The following FSTL1 variants were observed in gnomAD, a reference collection of about 807,000 sequenced individuals.
FSTL1 encodes follistatin like 1.
A neutral mutation model predicts 45.9 loss-of-function variants in FSTL1; 24 were observed. That is an observed-to-expected ratio of 0.52 (90% CI 0.38 to 0.74). The LOEUF (loss-of-function observed/expected upper bound fraction) is 0.74. Ranked by LOEUF, FSTL1 falls within the 30% of genes least tolerant of loss-of-function variation. FSTL1 has a pLI of 0.00. For missense variants in FSTL1, 340 were observed against 381.8 expected (o/e 0.89, Z 0.91); for synonymous variants, 120 against 137.6 (o/e 0.87, Z 0.89).
intron 6 of FSTL1, among the ~76,000 whole-genome samples, chr3:120,405,243 C>T (rs149382506): frequency 3.3e-5 from 5 of 152,324 alleles, no homozygotes; most frequent in African/African-American, 1.2e-4. Context: ...GTGGCCCCAT[C>T]TCTGACACTG....
chr3:120,429,592 T>C (rs1937442689), intron 2 of FSTL1, among the ~76,000 whole-genome samples: 1 of 152,116 alleles, frequency 6.6e-6, no homozygotes, highest in Non-Finnish European at 1.5e-5. Context: ...TGGGACTGGA[T>C]TTTCAAGGGG....
At chr3:120,441,623 C>T (rs1937628400) in intron 2 of FSTL1, among the ~76,000 whole-genome samples, 1 of 152,248 alleles carries the variant, frequency 6.6e-6, no homozygotes, top group Admixed American at 6.5e-5. Context: ...CATGAACACA[C>T]ATATACACGT....
chr3:120,432,486 C>T (rs191080666), intron 2 of FSTL1, among the ~76,000 whole-genome samples: 3 of 152,178 alleles, frequency 2.0e-5, no homozygotes, highest in East Asian at 3.9e-4. Flanking sequence ...TAAAACCCTC[C>T]GAGACCCTCA....
Position 120,447,715 on chromosome 3 carries a change from C to G in FSTL1, c.63+2969G>C, listed in dbSNP as rs138184813. 6.3e-3 allele frequency among the ~76,000 whole-genome samples: 958 copies of G among 152,306 alleles called. 4 individuals carry two copies. The highest frequency in any genetic ancestry group is 0.031 in the Middle Eastern group (9 of 294). ...TCAGGCTGGAGTGCAGTGGCACCAT[C>G]ACGGCTCACTGCAGCCTCAACCTCC... On this transcript the variant is annotated intron_variant, in intron 2 of 10. Coordinates refer to ENST00000295633, the MANE Select transcript of FSTL1 (RefSeq NM_007085.5).
At chr3:120,425,010 C>T (rs916510) in intron 2 of FSTL1, among the ~76,000 whole-genome samples, 90,130 of 151,874 alleles carry the variant, frequency 0.59, 28,948 homozygotes, top group Middle Eastern at 0.73. Context: ...CATGGAAGGC[C>T]GAGGGCGGCT....
At position 120,396,491 on chromosome 3, in the gene FSTL1, G is replaced by A. The variant is rs1936702605; in HGVS notation, c.*461C>T. 6.3e-6 allele frequency: 1 copy of A among 159,300 alleles called. No homozygotes were observed. Among genetic ancestry groups the A allele is most frequent in the African/African-American group, 2.4e-5 (1 of 41,516 alleles). The allele number at this position is 159,300 out of a possible 1,614,324, so 9.9% of individuals were successfully genotyped here. A position where few individuals can be genotyped will look rare whatever the true frequency, so the allele number is the denominator to read the frequency against. On this transcript the variant is annotated 3_prime_UTR_variant, in exon 11 of 11. Transcript: ENST00000295633. ...TGGGACCAAGAGATGCGTGGATGCT[G>A]GAGGTCTGTCATGCTGACGGCAATG...
rs961531757 is a variant in FSTL1 at position 120,395,758 on chromosome 3, A to C, written c.*1194T>G. ...GAACCACAGAATTTATAACTTATCAAATCAAAAGGTTAGTGCATTCTTACC... is the reference window on the plus strand; with the variant it reads ...GAACCACAGAATTTATAACTTATCACATCAAAAGGTTAGTGCATTCTTACC... On this transcript the variant is annotated 3_prime_UTR_variant, in exon 11 of 11. Coordinates refer to ENST00000295633, the MANE Select transcript of FSTL1 (RefSeq NM_007085.5). 1 of 532,046 alleles carries C rather than the reference A, an allele frequency of 1.9e-6. No homozygotes were observed. The highest frequency in any genetic ancestry group is 3.9e-6 in the Non-Finnish European group (1 of 259,604). 33.0% of individuals were successfully genotyped at this position (532,046 alleles called of 1,614,324 possible).
At chr3:120,412,015 A>C in intron 3 of FSTL1, 32 bp from the exon 4 acceptor site, 1 of 1,595,652 alleles carries the variant, frequency 6.3e-7, no homozygotes, top group Non-Finnish European at 8.6e-7. Context: ...ATGTTTGTGC[A>C]GTTATGGATA....
intron 2 of FSTL1, among the ~76,000 whole-genome samples, chr3:120,434,701 G>C (rs1266798000): frequency 6.6e-6 from 1 of 152,098 alleles, no homozygotes; most frequent in East Asian, 1.9e-4. Flanking sequence ...TACACACTTT[G>C]GGTCTAGGCT....
rs940169066 is a variant in FSTL1, at chr3:120,395,409, T to A, written c.*1543A>T. ...CCCAAGTCACAGTTTTAGGATTAAA[T>A]CTCCATTTTCTTCCCCCTGTTGAAT... On this transcript the variant is annotated 3_prime_UTR_variant, in exon 11 of 11. Transcript: ENST00000295633. The A allele has an allele frequency of 1.5e-5, 5 of 334,394 alleles. No individual in the cohort carries two copies. The Admixed American group carries it at 2.2e-4, about 15-fold the overall frequency. 20.7% of individuals were successfully genotyped at this position (334,394 alleles called of 1,614,324 possible). A position where few individuals can be genotyped will look rare whatever the true frequency, so the allele number is the denominator to read the frequency against.
intron 2 of FSTL1, among the ~76,000 whole-genome samples, chr3:120,426,692 A>G (rs1394718929): frequency 6.6e-6 from 1 of 152,154 alleles, no homozygotes; most frequent in East Asian, 1.9e-4. Context: ...CCAAGCCACT[A>G]TTCTCGACGG....
chr3:120,432,115 A>C (rs1164252147), intron 2 of FSTL1, among the ~76,000 whole-genome samples: 2 of 152,212 alleles, frequency 1.3e-5, no homozygotes, highest in African/African-American at 4.8e-5. Context: ...TTGGGGGCAT[A>C]CAAATCCATG....
At chr3:120,416,357 G>C (rs1937187283) in intron 2 of FSTL1, among the ~76,000 whole-genome samples, 1 of 152,148 alleles carries the variant, frequency 6.6e-6, no homozygotes, top group Non-Finnish European at 1.5e-5. Flanking sequence ...CGCTGAGATG[G>C]AGATACAAAG....
chr3:120,431,636 A>G (rs1228191822), intron 2 of FSTL1, among the ~76,000 whole-genome samples: 2 of 152,200 alleles, frequency 1.3e-5, no homozygotes. Flanking sequence ...CAGCCTGGGC[A>G]ATATAGCAAG....
chr3:120,410,509 A>G (rs894241070), intron 5 of FSTL1: 2 of 315,988 alleles, frequency 6.3e-6, no homozygotes, highest in Non-Finnish European at 1.2e-5. Flanking sequence ...AGTATGTGCA[A>G]AAAAGCTCTG....
Position 120,410,949 on chromosome 3 carries a change from C to T in FSTL1, c.331+3G>A, listed in dbSNP as rs376771736. 196 of 1,607,952 alleles carry T rather than the reference C, an allele frequency of 1.2e-4. 2 individuals carry two copies. In the African/African-American group the frequency reaches 2.2e-3, roughly 18 times the overall value. Reference sequence around the variant, plus strand: ...GCACACAGTAGAAAAAATAGGCACTCACCTGGGCTGGCAGATGGACTTACG... The same window carrying T: ...GCACACAGTAGAAAAAATAGGCACTTACCTGGGCTGGCAGATGGACTTACG... On this transcript the variant is annotated splice_donor_region_variant and intron_variant, in intron 5 of 10. Transcript: ENST00000295633.
chr3:120,444,430 G>A (rs1937693594), intron 2 of FSTL1, among the ~76,000 whole-genome samples: 1 of 149,638 alleles, frequency 6.7e-6, no homozygotes, highest in African/African-American at 2.6e-5. Context: ...AGAAATGTCT[G>A]TCATGGGTAA....
At chr3:120,449,809 A>C (rs1167016124) in intron 2 of FSTL1, among the ~76,000 whole-genome samples, 1 of 152,124 alleles carries the variant, frequency 6.6e-6, no homozygotes, top group African/African-American at 2.4e-5. Flanking sequence ...TGTGCATTCC[A>C]TTTCTTCTCC....
At chr3:120,446,985 T>C (rs1288102059) in intron 2 of FSTL1, among the ~76,000 whole-genome samples, 1 of 152,212 alleles carries the variant, frequency 6.6e-6, no homozygotes, top group Non-Finnish European at 1.5e-5. Flanking sequence ...AATGAATTTC[T>C]AGACCTGGAA....
Sources: allele counts gnomAD v4.1 joint callset (sites outside exome capture counted in the v4.1 genomes callset), GRCh38; gene constraint gnomAD v4.1.1; transcripts MANE v1.5; gene names NCBI Gene and HGNC (gene_info 2026-07-23, HGNC 2026-07-21).